Variants in MYOM1 observed in about 807,000 individuals in gnomAD.
MYOM1 encodes the protein myomesin-1.
Under a neutral mutation model 205.3 loss-of-function variants are expected in MYOM1, and 164 were observed. The observed-to-expected ratio is 0.80, with a 90% CI of 0.70 to 0.91. The LOEUF is 0.91. MYOM1 is among the 40% of genes least tolerant of loss of function. The pLI is 0.00. For synonymous variants in MYOM1, 772 were observed against 789.4 expected (o/e 0.98, Z 0.37); for missense variants, 2,011 against 2,127.3 (o/e 0.95, Z 1.08).
intron 19 of MYOM1, among the ~76,000 whole-genome samples, chr18:3,124,622 C>T (rs973102008): frequency 2.0e-5 from 3 of 152,102 alleles, no homozygotes; most frequent in African/African-American, 7.2e-5. Flanking sequence ...AGCCACCGCG[C>T]CCGGCCCCAA....
At position 3,073,628 on chromosome 18, in the gene MYOM1, T is replaced by C. The variant is rs116765504; in HGVS notation, c.4709-1739A>G. Among the ~76,000 whole-genome samples the C allele has an allele frequency of 6.7e-3, 1,019 of 152,312 alleles. 5 individuals are homozygous for C. The highest frequency in any genetic ancestry group is 0.023 in the African/African-American group (937 of 41,572). On this transcript the variant is annotated intron_variant, in intron 36 of 37. Coordinates refer to ENST00000356443, the MANE Select transcript of MYOM1 (RefSeq NM_003803.4). ...TAATTTGTAGAATGGGGGACAAGGG[T>C]TGCATTAGACCTGGGGATACTATGA...
At position 3,133,154 on chromosome 18, in the gene MYOM1, C is replaced by T. The variant is rs1440032206; in HGVS notation, c.2384+1496G>A. ...ATTTCTGAATAGTCCCAGGAAAATG[C>T]TGGGTAACTCCAAGGAAAAATGAAA... On this transcript the variant is annotated intron_variant, in intron 16 of 37. Transcript: ENST00000356443. Among the ~76,000 whole-genome samples, 6 of 152,060 alleles carry T rather than the reference C, an allele frequency of 3.9e-5. No individual in the cohort carries two copies. In the South Asian group the frequency reaches 6.2e-4, roughly 16 times the overall value.
chr18:3,112,623 G>A lies in MYOM1; in HGVS notation c.3304-211C>T, dbSNP rs12606145. 0.72 allele frequency among the ~76,000 whole-genome samples: 109,653 copies of A among 152,128 alleles called. 39,911 individuals are homozygous for A. Among genetic ancestry groups the A allele is most frequent in the Middle Eastern group, 0.79 (231 of 294 alleles). ...TCTCTCTAGACCATCTGTAGATAGA[G>A]AGGAGTTTCCAATATCCATTCTCAC... On this transcript the variant is annotated intron_variant, in intron 21 of 37. Coordinates refer to ENST00000356443, the MANE Select transcript of MYOM1 (RefSeq NM_003803.4).
intron 18 of MYOM1, among the ~76,000 whole-genome samples, chr18:3,127,298 TA>T (rs1567920735): frequency 2.7e-3 from 134 of 50,050 alleles, no homozygotes; most frequent in African/African-American, 0.011. Context: ...TATATATATA[TA>T]TATATATTTT....
chr18:3,094,099 A>G, intron 26 of MYOM1, 71 bp downstream of exon 26: 1 of 1,517,448 alleles, frequency 6.6e-7, no homozygotes, highest in Non-Finnish European at 9.0e-7. Flanking sequence ...CAACATATCC[A>G]CATCCACATA....
chr18:3,067,154 T>A lies in MYOM1; in HGVS notation c.*108A>T. ...TGAAAGACCTGACATTATTTTCCCC[T>A]CAAGCCAGAAAATAATAGGGAGGAG... is the stretch of plus-strand genomic sequence containing the variant. On this transcript the variant is annotated 3_prime_UTR_variant, in exon 38 of 38. Transcript: ENST00000356443. 4 of 1,259,614 alleles carry A rather than the reference T, an allele frequency of 3.2e-6. No homozygotes were observed. Among genetic ancestry groups the A allele is most frequent in the Non-Finnish European group, 4.3e-6 (4 of 926,076 alleles). The allele number at this position is 1,259,614 out of a possible 1,614,324, so 78.0% of individuals were successfully genotyped here.
intron 19 of MYOM1, 107 bp downstream of exon 19, chr18:3,126,594 A>G: frequency 1.0e-6 from 1 of 965,936 alleles, no homozygotes. Flanking sequence ...TGGACTCTGG[A>G]GAAATGACGT....
At position 3,152,768 on chromosome 18, in the gene MYOM1, C is replaced by A. The variant is rs1567937056; in HGVS notation, c.1644-875G>T. On this transcript the variant is annotated intron_variant, in intron 11 of 37. Coordinates refer to ENST00000356443, the MANE Select transcript of MYOM1 (RefSeq NM_003803.4). This position sits in a 1 kb window ranked among gnomAD's most constrained non-coding sequence, Gnocchi z 4.3. ...CTCTATGTCCAAAATGTGTAATTCC[C>A]AAATGATTCTCAGGGGCGTGGGGGT... is the stretch of plus-strand genomic sequence containing the variant. Among the ~76,000 whole-genome samples, 1 of 152,110 alleles carries A rather than the reference C, an allele frequency of 6.6e-6. No individual in the cohort carries two copies. The highest frequency in any genetic ancestry group is 1.5e-5 in the Non-Finnish European group (1 of 68,026).
intron 26 of MYOM1, among the ~76,000 whole-genome samples, chr18:3,092,561 CT>C (rs11457143): frequency 4.1e-5 from 6 of 146,642 alleles, no homozygotes; most frequent in African/African-American, 7.4e-5. Context: ...GTTTAGACAA[CT>C]TTTTTTTTTC....
At chr18:3,145,035 TG>T (rs2080104979) in intron 13 of MYOM1, among the ~76,000 whole-genome samples, 1 of 152,108 alleles carries the variant, frequency 6.6e-6, no homozygotes, top group African/African-American at 2.4e-5. Context: ...TTTGGCTGGG[TG>T]TGTGGCTAAC....
intron 33 of MYOM1, among the ~76,000 whole-genome samples, chr18:3,082,048 T>C (rs902119957): frequency 5.3e-5 from 8 of 152,208 alleles, no homozygotes; most frequent in Non-Finnish European, 1.2e-4. Context: ...CAGATTCTTA[T>C]AAGGAGCGCA....
chr18:3,206,997 G>A (rs1176846232), intron 2 of MYOM1, among the ~76,000 whole-genome samples: 1 of 150,226 alleles, frequency 6.7e-6, no homozygotes, highest in African/African-American at 2.5e-5. Context: ...CTCACTTTCA[G>A]TTTTTTTTAA....
At position 3,135,537 on chromosome 18, in the gene MYOM1, A is replaced by G; in HGVS notation, c.2209+10T>C. On this transcript the variant is annotated intron_variant, in intron 15 of 37. Transcript: ENST00000356443. This position sits in a 1 kb window ranked among gnomAD's most constrained non-coding sequence, Gnocchi z 4.1. ...TTCTCTTGAAGTAAAAGAAGTTTACAGTTGCTTACCAAGTTTGTCCCCTAC... is the reference window on the plus strand; with the variant it reads ...TTCTCTTGAAGTAAAAGAAGTTTACGGTTGCTTACCAAGTTTGTCCCCTAC... The G allele has an allele frequency of 6.2e-7, 1 of 1,610,496 alleles. No individual in the cohort carries two copies. The highest frequency in any genetic ancestry group is 2.2e-5 in the East Asian group (1 of 44,812).
At chr18:3,246,257 A>G in the MYOM1 span, 1 of 152,220 alleles carries the variant, frequency 6.6e-6, no homozygotes, top group Non-Finnish European at 1.5e-5. Flanking sequence ...CTCCAGGAAC[A>G]AACGCATCCG....
At chr18:3,245,850 A>G in the MYOM1 span, 1 of 152,184 alleles carries the variant, frequency 6.6e-6, no homozygotes, top group African/African-American at 2.4e-5. Context: ...TGCTCCTTCA[A>G]TAGGCCCTAA....
intron 20 of MYOM1, among the ~76,000 whole-genome samples, chr18:3,117,608 T>C (rs1263777958): frequency 6.6e-6 from 1 of 152,224 alleles, no homozygotes; most frequent in Non-Finnish European, 1.5e-5. Context: ...GCCTGTATCT[T>C]TGCATGACCA....
intron 9 of MYOM1, among the ~76,000 whole-genome samples, chr18:3,166,443 T>TTTTTG (rs1188991238): frequency 6.6e-6 from 1 of 151,580 alleles, no homozygotes; most frequent in African/African-American, 2.4e-5. Flanking sequence ...GCTAATTCTT[T>TTTTTG]TTTTGTTTTG....
intron 29 of MYOM1, among the ~76,000 whole-genome samples, chr18:3,086,670 CACTT>C (rs531032048): frequency 6.8e-4 from 103 of 152,280 alleles, no homozygotes; most frequent in African/African-American, 2.3e-3. Context: ...CGAGGAGACT[CACTT>C]AGATACACTA....
intron 9 of MYOM1, among the ~76,000 whole-genome samples, chr18:3,166,447 T>TTTTTTTTTTTATTTTTTTTTA (rs1567945784): frequency 6.6e-6 from 1 of 151,510 alleles, no homozygotes; most frequent in Non-Finnish European, 1.5e-5. Context: ...ATTCTTTTTT[T>TTTTTTTTTTTATTTTTTTTTA]GTTTTGTTTT....
Sources: allele counts gnomAD v4.1 joint callset (sites outside exome capture counted in the v4.1 genomes callset), GRCh38; gene constraint gnomAD v4.1.1; non-coding constraint Gnocchi (gnomAD v3.1); transcripts MANE v1.5; gene names NCBI Gene and HGNC (gene_info 2026-07-23, HGNC 2026-07-21).